Variants in PLCB2 observed in about 807,000 individuals in gnomAD.
PLCB2 encodes phospholipase C beta 2, also known as 1-phosphatidylinositol 4,5-bisphosphate phosphodiesterase beta-2.
PLCB2 carries 115 observed loss-of-function variants against 141.7 expected under a neutral mutation model. The observed-to-expected ratio is 0.81, with a 90% confidence interval of 0.70 to 0.95. PLCB2 has a LOEUF of 0.95. Ranked by LOEUF, PLCB2 falls within the 40% of genes least tolerant of loss-of-function variation. The probability of loss-of-function intolerance (pLI) is 0.00; values close to 1 mark genes in which losing one functional copy is unlikely to be tolerated. For missense variants in PLCB2, 1,403 were observed against 1,541.1 expected (o/e 0.91, Z 1.50); for synonymous variants, 603 against 595.6 (o/e 1.01, Z -0.18).
chr15:40,299,823 G>A (rs975510725), intron 7 of PLCB2, among the ~76,000 whole-genome samples: 7 of 152,178 alleles, frequency 4.6e-5, no homozygotes, highest in Admixed American at 2.0e-4. Context: ...TCAGATATCC[G>A]ATAAGAGATA....
chr15:40,294,583 C>G (rs1308035695), intron 18 of PLCB2, among the ~76,000 whole-genome samples, 163 bp from the exon 19 acceptor site: 1 of 152,160 alleles, frequency 6.6e-6, no homozygotes, highest in African/African-American at 2.4e-5. Flanking sequence ...GCAGTGTCTC[C>G]TCTCTTAGGC....
chr15:40,296,483 G>C, intron 15 of PLCB2, 39 bp downstream of exon 15: 1 of 1,613,738 alleles, frequency 6.2e-7, no homozygotes, highest in Non-Finnish European at 8.5e-7. Flanking sequence ...CTTAACGGTG[G>C]AGGATGACAC....
rs753456494 is a variant in PLCB2, at chr15:40,293,697, G to A, written c.2089C>T (p.Arg697Cys). ...ACTTCTACATAGGTGCGCACGCTGC[G>A]TTCTGACAGGAACTGCCCAGAGATC... ...TVISGQFLSE[R>C]SVRTYVEVEL... is the part of the protein sequence containing the mutation. Residue 697 changes from arginine (R) to cysteine (C), a missense_variant, in exon 20 of 32, where the codon CGC becomes TGC. Transcript: ENST00000260402. 9 of 1,613,466 alleles carry A rather than the reference G, an allele frequency of 5.6e-6. No individual in the cohort carries two copies. The highest frequency in any genetic ancestry group is 1.1e-5 in the South Asian group (1 of 91,072).
At chr15:40,293,381 G>C (rs757811552) in intron 20 of PLCB2, among the ~76,000 whole-genome samples, 179 bp downstream of exon 20, 1 of 151,976 alleles carries the variant, frequency 6.6e-6, no homozygotes, top group Admixed American at 6.5e-5. Flanking sequence ...CACACACTCT[G>C]CCTACCAAGT....
rs2040867608 is a variant in PLCB2 at position 40,307,694 on chromosome 15, C to A, written c.-22G>T. On this transcript the variant is annotated 5_prime_UTR_variant, in exon 1 of 32. Transcript: ENST00000260402. ...ACATGGTGCCAAGCGTTCCTCTTTG[C>A]AGAATCTCAGCAGACACAGGCAGGC... 2.0e-6 allele frequency: 3 copies of A among 1,536,302 alleles called. No individual in the cohort carries two copies. Among genetic ancestry groups the A allele is most frequent in the Non-Finnish European group, 2.6e-6 (3 of 1,136,780 alleles).
chr15:40,294,065 G>T (rs2040071938), intron 19 of PLCB2, among the ~76,000 whole-genome samples: 1 of 152,190 alleles, frequency 6.6e-6, no homozygotes. Context: ...CTTCCCGTTG[G>T]TTTCCATGGG....
intron 30 of PLCB2, 61 bp downstream of exon 30, chr15:40,289,963 GA>G (rs2039770171): frequency 1.4e-6 from 1 of 735,646 alleles, no homozygotes; most frequent in African/African-American, 2.2e-5. Context: ...GAGAGAGAGA[GA>G]GAGAGTGTGT....
At position 40,294,712 on chromosome 15, in the gene PLCB2, A is replaced by G. The variant is rs529790297; in HGVS notation, c.1906+224T>C. ...GACATACCTGGGTGGAGCGGCCAGA[A>G]CCCACGCCGGCAGCCTGGCATCTTT... On this transcript the variant is annotated intron_variant, in intron 18 of 31. Coordinates refer to ENST00000260402, the MANE Select transcript of PLCB2 (RefSeq NM_004573.3). Among the ~76,000 whole-genome samples, 7 of 152,208 alleles carry G rather than the reference A, an allele frequency of 4.6e-5. No homozygotes were observed. The East Asian group carries it at 1.4e-3, about 29-fold the overall frequency.
rs1349491991 is a variant in PLCB2, at chr15:40,288,783, A to G, written c.3490T>C (p.Cys1164Arg). 6.2e-7 allele frequency: 1 copy of G among 1,613,876 alleles called. No individual in the cohort carries two copies. The highest frequency in any genetic ancestry group is 1.1e-5 in the South Asian group (1 of 91,074). ...TCCTGCTCACACAGCTCTGGGGGGCACTCGCAGGCCCTCTCAGGCTTGTCC... is the reference window on the plus strand; with the variant it reads ...TCCTGCTCACACAGCTCTGGGGGGCGCTCGCAGGCCCTCTCAGGCTTGTCC... ...AKDKPERACE[C>R]PPELCEQDPL... Residue 1164 changes from cysteine to arginine, a missense_variant, in exon 32 of 32, where the codon TGC (cysteine) becomes CGC (arginine). By Grantham distance (180) the Cys-to-Arg change is radical (BLOSUM62 -3). Transcript: ENST00000260402.
chr15:40,305,196 T>TA (rs56155539), intron 1 of PLCB2, among the ~76,000 whole-genome samples: 38,682 of 141,042 alleles, frequency 0.27, 5,557 homozygotes, highest in Non-Finnish European at 0.31. Flanking sequence ...TTTTTTTTTT[T>TA]ACCTTAAGTT....
intron 30 of PLCB2, 55 bp downstream of exon 30, chr15:40,289,950 AGAGAGAGAGAGAGAGAGAGT>A (rs1271736022): frequency 1.3e-4 from 53 of 394,772 alleles, no homozygotes; most frequent in African/African-American, 1.0e-3. Context: ...AGAGAGAGAG[AGAGAGAGAGAGAGAGAGAGT>A]GTGTGTGTGT....
rs147253694 is a variant in PLCB2 at position 40,294,534 on chromosome 15, G to A, written c.1907-114C>T. 1.3e-3 allele frequency: 1,397 copies of A among 1,058,756 alleles called. 3 individuals carry two copies. The highest frequency in any genetic ancestry group is 1.8e-3 in the Non-Finnish European group (1,303 of 708,002). 65.6% of individuals were successfully genotyped at this position (1,058,756 alleles called of 1,614,324 possible). On this transcript the variant is annotated intron_variant, in intron 18 of 31. Coordinates refer to ENST00000260402, the MANE Select transcript of PLCB2 (RefSeq NM_004573.3). ...GGTGAATGGGGAGGTTGGGTGGACC[G>A]TGAGGATGAGGGCTTCTCCTGTCCC...
chr15:40,288,856 C>G lies in PLCB2; in HGVS notation c.3417G>C (p.Lys1139Asn). 2 of 1,614,094 alleles carry G rather than the reference C, an allele frequency of 1.2e-6. No individual in the cohort carries two copies. The highest frequency in any genetic ancestry group is 1.7e-6 in the Non-Finnish European group (2 of 1,180,016). ...TCCTGAGGCAGGCCCTCACCGACTCCTTCACCTCTGCCTCCAGACCCTTCA... is the reference window on the plus strand; with the variant it reads ...TCCTGAGGCAGGCCCTCACCGACTCGTTCACCTCTGCCTCCAGACCCTTCA... ...ARMKGLEAEV[K>N]ESVRACLRTC... The change falls in exon 32 of 32, where the codon AAG (lysine) becomes AAC (asparagine). Residue 1139 changes from lysine (K) to asparagine (N), a missense_variant. Lys to Asn is a moderately conservative substitution (Grantham distance 94). This residue lies in a region of PLCB2 where 132 missense variants were observed against 132.4 expected (regional missense o/e 1.00). Coordinates refer to ENST00000260402, the MANE Select transcript of PLCB2 (RefSeq NM_004573.3).
intron 11 of PLCB2, 75 bp from the exon 12 acceptor site, chr15:40,298,034 CT>C: frequency 7.9e-7 from 1 of 1,265,812 alleles, no homozygotes; most frequent in South Asian, 1.3e-5. Context: ...CTTTTCCCCC[CT>C]GCCTAGTTTC....
At position 40,295,202 on chromosome 15, in the gene PLCB2, C is replaced by A; in HGVS notation, c.1780G>T (p.Asp594Tyr). The A allele has an allele frequency of 6.2e-7, 1 of 1,613,460 alleles. No homozygotes were observed. ...TGGCCACTGAAACCTCAAGGATACT[C>A]CACAAACTGCACCGAGGCCTTGGAG... ...LLSKASVQFV[D>Y]YNKRQMSRIY... is the part of the protein sequence containing the mutation. The change falls in exon 17 of 32, where the codon GAC (aspartate) becomes TAC (tyrosine). Residue 594 changes from aspartate to tyrosine, a missense_variant and splice_region_variant. Coordinates refer to ENST00000260402, the MANE Select transcript of PLCB2 (RefSeq NM_004573.3).
rs1465722688 is a variant in PLCB2, at chr15:40,291,428, G to T, written c.2707C>A (p.Arg903=). Residue 903 remains arginine (R), a synonymous_variant, in exon 26 of 32, where the codon CGG becomes AGG. Transcript: ENST00000260402. ...RELKGVVKLQ[R]RHEKELRELE... ...TCTCGCAGCTCCTTCTCGTGCCGCCGCTGCAGCTTCACCACGCCCTTTAGC... is the reference window on the plus strand; with the variant it reads ...TCTCGCAGCTCCTTCTCGTGCCGCCTCTGCAGCTTCACCACGCCCTTTAGC... 3.2e-6 allele frequency: 5 copies of T among 1,541,594 alleles called. No individual in the cohort carries two copies. The highest frequency in any genetic ancestry group is 4.4e-6 in the Non-Finnish European group (5 of 1,149,030).
chr15:40,303,974 G>A (rs144692590), intron 2 of PLCB2, 27 bp downstream of exon 2: 6 of 1,484,786 alleles, frequency 4.0e-6, no homozygotes, highest in Non-Finnish European at 5.5e-6. Flanking sequence ...AGGAGTCCAG[G>A]GCCATGGCAC....
At chr15:40,298,455 C>T (rs2040346197) in intron 10 of PLCB2, 75 bp from the exon 11 acceptor site, 1 of 1,586,190 alleles carries the variant, frequency 6.3e-7, no homozygotes, top group African/African-American at 1.3e-5. Context: ...GCCACTCCAT[C>T]ATGGTCTGTG....
rs1390035811 is a variant in PLCB2 at position 40,296,786 on chromosome 15, C to T, written c.1446G>A (p.Glu482=). Residue 482 remains glutamate, a synonymous_variant, in exon 14 of 32, where the codon GAG becomes GAA. Transcript: ENST00000260402. ...SSSKDTGGEA[E]GSSPPSAPAG... ...CAGGGGCACTGGGTGGGCTGCTGCC[C>T]TCAGCCTCCCCACCAGTATCCTTAC... is the stretch of plus-strand genomic sequence containing the variant. The T allele has an allele frequency of 1.2e-6, 2 of 1,613,926 alleles. No individual in the cohort carries two copies. The highest frequency in any genetic ancestry group is 2.7e-5 in the African/African-American group (2 of 74,914).
Sources: allele counts gnomAD v4.1 joint callset (sites outside exome capture counted in the v4.1 genomes callset), GRCh38; gene constraint gnomAD v4.1.1; regional missense constraint gnomAD v4.1.1; transcripts MANE v1.5; gene names NCBI Gene and HGNC (gene_info 2026-07-23, HGNC 2026-07-21).